The following LRRC43 variants were observed in gnomAD, a reference collection of about 807,000 sequenced individuals.
The protein encoded by LRRC43 is leucine rich repeat containing 43, also known as leucine-rich repeat-containing protein 43.
LRRC43 carries 62 observed loss-of-function variants against 64.3 expected under a neutral mutation model. The ratio of observed to expected loss-of-function variants is 0.96; its 90% CI spans 0.79 to 1.19. The LOEUF (loss-of-function observed/expected upper bound fraction) is 1.19, where lower values mean the gene tolerates loss of function less well. Among genes scored for constraint, LRRC43 ranks in the 50% most tolerant of loss-of-function variants. The pLI, the probability that LRRC43 is intolerant of heterozygous loss-of-function variation, is 0.00. For synonymous variants in LRRC43, 422 were observed against 382.3 expected (o/e 1.10, Z -1.21); for missense variants, 868 against 845.0 (o/e 1.03, Z -0.34).
intron 1 of LRRC43, chr12:122,172,407 T>C (rs1349881586): frequency 1.2e-6 from 2 of 1,600,768 alleles, no homozygotes; most frequent in Middle Eastern, 3.3e-4. Flanking sequence ...AAGGAAGAGA[T>C]GGCCTTAAGT....
rs753890804 is a variant in LRRC43, at chr12:122,200,350, GC to G, written c.1491+23del. ...GAGAAGGTGGGCAGGCGGAGGCAGT[GC>G]CCGGCCATCCACAGGCTGCACTTCT... On this transcript the variant is annotated intron_variant, in intron 8 of 11. Coordinates refer to ENST00000339777, the MANE Select transcript of LRRC43 (RefSeq NM_001098519.2). This position sits in a 1 kb window ranked among gnomAD's most constrained non-coding sequence, Gnocchi z 4.6. The G allele has an allele frequency of 2.5e-6, 4 of 1,608,700 alleles. No individual in the cohort carries two copies. The African/African-American group carries it at 5.3e-5, about 21-fold the overall frequency.
rs1393898832 is a variant in LRRC43, at chr12:122,203,436, C to T, written c.1965C>T (p.Ala655=). The T allele has an allele frequency of 6.2e-7, 1 of 1,610,292 alleles. No individual in the cohort carries two copies. ...RSAEEALRMF[A]V is the part of the protein sequence containing the mutation. ...CGGAGGAGGCTCTGCGCATGTTCGC[C>T]GTGTAGGGCGTGGGCAGTAAAGGCT... Residue 655 remains alanine, a synonymous_variant, in exon 12 of 12, where the codon GCC becomes GCT. Coordinates refer to ENST00000339777, the MANE Select transcript of LRRC43 (RefSeq NM_001098519.2).
upstream of LRRC43, among the ~76,000 whole-genome samples, chr12:122,179,575 G>A (rs575959320): frequency 2.0e-5 from 3 of 152,244 alleles, no homozygotes; most frequent in East Asian, 3.9e-4. Context: ...TAAGAGATGA[G>A]CAGTGTGAGG....
Position 122,183,188 on chromosome 12 carries a change from C to A in LRRC43, c.44C>A (p.Ala15Asp), listed in dbSNP as rs956817483. The change falls in exon 1 of 12, where the codon GCC becomes GAC. Residue 15 changes from alanine (A) to aspartate (D), a missense_variant. Physicochemically the swap from Ala to Asp is moderately radical, Grantham distance 126. Coordinates refer to ENST00000339777, the MANE Select transcript of LRRC43 (RefSeq NM_001098519.2). Reference protein sequence around the residue: ...YESESESESEAGPGTQRPGTG... With the variant: ...YESESESESEDGPGTQRPGTG... ...TCCGAGTCCGAGTCCGAGTCTGAGG[C>A]CGGGCCTGGGACTCAGCGGCCCGGG... 3 of 1,560,414 alleles carry A rather than the reference C, an allele frequency of 1.9e-6. No homozygotes were observed. Among genetic ancestry groups the A allele is most frequent in the Admixed American group, 3.6e-5 (2 of 54,960 alleles).
chr12:122,199,246 T>C (rs1007679117), intron 7 of LRRC43, among the ~76,000 whole-genome samples: 1 of 151,256 alleles, frequency 6.6e-6, no homozygotes, highest in Non-Finnish European at 1.5e-5. Flanking sequence ...CCCTCTGTGT[T>C]CTAGCCTGGG....
intron 1 of LRRC43, among the ~76,000 whole-genome samples, chr12:122,183,772 A>G (rs1953608904): frequency 6.6e-6 from 1 of 152,094 alleles, no homozygotes. Context: ...CGTGGCTTCA[A>G]CCACGAGGGG....
chr12:122,183,047 G>T (rs1401449331), upstream of LRRC43: 9 of 1,454,706 alleles, frequency 6.2e-6, no homozygotes, highest in Non-Finnish European at 8.1e-6. Context: ...GTCTGATCCG[G>T]ATGGGGGACT....
At chr12:122,176,305 A>T (rs1257422844) in intron 1 of LRRC43, among the ~76,000 whole-genome samples, 2 of 152,098 alleles carry the variant, frequency 1.3e-5, no homozygotes, top group Non-Finnish European at 2.9e-5. Flanking sequence ...AATGAGCTCG[A>T]TGCTGTTCCT....
intron 7 of LRRC43, among the ~76,000 whole-genome samples, chr12:122,193,920 G>A (rs1366847735): frequency 6.6e-6 from 1 of 152,006 alleles, no homozygotes; most frequent in Non-Finnish European, 1.5e-5. Context: ...TCAGCCCTTG[G>A]GTGTGAAAAC....
At position 122,192,887 on chromosome 12, in the gene LRRC43, A is replaced by G; in HGVS notation, c.1232A>G (p.Glu411Gly). Residue 411 changes from glutamate (E) to glycine (G), a missense_variant, in exon 7 of 12, where the codon GAG becomes GGG. Physicochemically the swap from Glu to Gly is moderately conservative, Grantham distance 98 (BLOSUM62 -2). Transcript: ENST00000339777. ...SLESEVEESG[E>G]SELSVISGPS... ...GAGTCTGAGGTGGAGGAGTCAGGAG[A>G]GTCGGAGCTGTCTGTCATCTCGGGG... 1 of 1,613,974 alleles carries G rather than the reference A, an allele frequency of 6.2e-7. No homozygotes were observed.
At chr12:122,185,650 C>A (rs926651207) in intron 2 of LRRC43, among the ~76,000 whole-genome samples, 1 of 152,224 alleles carries the variant, frequency 6.6e-6, no homozygotes, top group African/African-American at 2.4e-5. Flanking sequence ...GGGTGACTGA[C>A]TGGTAGCAGT....
chr12:122,199,871 A>G (rs1953814832), intron 7 of LRRC43, among the ~76,000 whole-genome samples: 1 of 152,222 alleles, frequency 6.6e-6, no homozygotes, highest in Admixed American at 6.5e-5. Flanking sequence ...AGCCAGAGCC[A>G]CCACGCTCAG....
At chr12:122,185,099 C>T (rs192848648) in intron 2 of LRRC43, among the ~76,000 whole-genome samples, 123 of 152,164 alleles carry the variant, frequency 8.1e-4, no homozygotes, top group African/African-American at 2.7e-3. Flanking sequence ...TCGTTTAAAC[C>T]GTGGGGGTCA....
rs758138418 is a variant in LRRC43, at chr12:122,183,190, G to A, written c.46G>A (p.Gly16Arg). The A allele has an allele frequency of 5.8e-6, 9 of 1,561,716 alleles. No homozygotes were observed. The highest frequency in any genetic ancestry group is 3.6e-5 in the Admixed American group (2 of 55,176). Reference sequence around the variant, plus strand: ...CGAGTCCGAGTCCGAGTCTGAGGCCGGGCCTGGGACTCAGCGGCCCGGGAC... The same window carrying A: ...CGAGTCCGAGTCCGAGTCTGAGGCCAGGCCTGGGACTCAGCGGCCCGGGAC... ...ESESESESEAGPGTQRPGTGT... is the reference protein window; with the variant it reads ...ESESESESEARPGTQRPGTGT... Residue 16 changes from glycine (G) to arginine (R), a missense_variant, in exon 1 of 12, where the codon GGG becomes AGG. Coordinates refer to ENST00000339777, the MANE Select transcript of LRRC43 (RefSeq NM_001098519.2).
At chr12:122,203,242 G>A in intron 11 of LRRC43, 73 bp from the exon 12 acceptor site, 1 of 1,558,164 alleles carries the variant, frequency 6.4e-7, no homozygotes, top group African/African-American at 1.4e-5. Flanking sequence ...TTGCATATGG[G>A]ATGGGTCAGG....
chr12:122,175,512 T>A (rs1026013343), intron 1 of LRRC43, among the ~76,000 whole-genome samples: 3 of 151,174 alleles, frequency 2.0e-5, no homozygotes, highest in African/African-American at 7.3e-5. Context: ...CTTTCTTTTT[T>A]TTTTTTTTTG....
chr12:122,183,318 C>A, intron 1 of LRRC43, 24 bp downstream of exon 1: 1 of 1,463,046 alleles, frequency 6.8e-7, no homozygotes, highest in East Asian at 2.7e-5. Context: ...GGCCGGAACT[C>A]TGGGGGCCTG....
chr12:122,169,585 G>A (rs187155251), intron 1 of LRRC43, among the ~76,000 whole-genome samples: 9 of 151,676 alleles, frequency 5.9e-5, no homozygotes, highest in East Asian at 1.9e-4. Flanking sequence ...GCGTGGTGGC[G>A]GGCGCCTGTA....
At chr12:122,187,956 C>G in intron 4 of LRRC43, 116 bp downstream of exon 4, 1 of 1,025,400 alleles carries the variant, frequency 9.8e-7, no homozygotes, top group Non-Finnish European at 1.4e-6. Flanking sequence ...TCCCAGTTGG[C>G]TGCTAAATCC....
Sources: allele counts gnomAD v4.1 joint callset (sites outside exome capture counted in the v4.1 genomes callset), GRCh38; gene constraint gnomAD v4.1.1; non-coding constraint Gnocchi (gnomAD v3.1); transcripts MANE v1.5; gene names NCBI Gene and HGNC (gene_info 2026-07-23, HGNC 2026-07-21).